PSPH: variants seen among roughly 807,000 people sequenced by gnomAD.
The protein encoded by PSPH is L-3-phosphoserine phosphatase.
PSPH carries 16 observed loss-of-function variants against 23.4 expected under a neutral mutation model. The ratio of observed to expected loss-of-function variants is 0.68; its 90% CI spans 0.46 to 1.04. The LOEUF (loss-of-function observed/expected upper bound fraction) is 1.04, where lower values mean the gene tolerates loss of function less well. PSPH is among the 50% of genes least tolerant of loss of function. The pLI is 0.00. For missense variants in PSPH, 223 were observed against 273.7 expected, an observed-to-expected ratio of 0.81 and a Z score of 1.31; for synonymous variants, 68 against 99.7, an observed-to-expected ratio of 0.68 and a Z score of 1.89.
intron 1 of PSPH, among the ~76,000 whole-genome samples, chr7:56,038,553 A>G (rs756327284): frequency 2.6e-4 from 39 of 152,124 alleles, no homozygotes; most frequent in Admixed American, 4.6e-4. Context: ...TGCATGAGTA[A>G]GCTGGGTGTG....
rs184171307 is a variant in PSPH, at chr7:56,015,134, A to G, written c.459T>C (p.Ala153=). 6.2e-7 allele frequency: 1 copy of G among 1,614,082 alleles called. No homozygotes were observed. The highest frequency in any genetic ancestry group is 1.3e-5 in the African/African-American group (1 of 75,040). Residue 153 remains alanine (A), a synonymous_variant, in exon 7 of 8, where the codon GCT becomes GCC. Transcript: ENST00000275605. ...YAGFDETQPT[A]ESGGKGKVIK... ...TCACTTTTCCTTTTCCACCAGATTC[A>G]GCTGTTGGCTGCGTCTCATCAAAAC... is the stretch of plus-strand genomic sequence containing the variant.
intron 7 of PSPH, among the ~76,000 whole-genome samples, chr7:56,013,156 TACACAC>T (rs34329610): frequency 0.19 from 27,097 of 142,078 alleles, 2,824 homozygotes; most frequent in East Asian, 0.37. Context: ...TGTATGTGTA[TACACAC>T]ACACACACAC....
intron 3 of PSPH, among the ~76,000 whole-genome samples, chr7:56,024,064 A>C (rs1476169273): frequency 2.0e-5 from 3 of 151,902 alleles, no homozygotes. Flanking sequence ...AGTAGCTGGG[A>C]CTACAGGTGC....
chr7:56,032,673 G>A (rs1402812440), intron 2 of PSPH, among the ~76,000 whole-genome samples: 2 of 150,460 alleles, frequency 1.3e-5, no homozygotes, highest in South Asian at 2.1e-4. Context: ...AAAAAAGGCC[G>A]GGCATGGGGA....
intron 1 of PSPH, among the ~76,000 whole-genome samples, chr7:56,050,084 G>A (rs1793809386): frequency 6.6e-6 from 1 of 152,042 alleles, no homozygotes; most frequent in Non-Finnish European, 1.5e-5. Flanking sequence ...CATGCACACC[G>A]TGTAATGCCT....
chr7:56,034,357 C>G (rs976734759), intron 1 of PSPH, among the ~76,000 whole-genome samples: 15 of 152,120 alleles, frequency 9.9e-5, no homozygotes, highest in African/African-American at 3.4e-4. Flanking sequence ...TCCGCGCTGC[C>G]GCCACCACCA....
chr7:56,022,045 C>G (rs1789546874), intron 3 of PSPH, among the ~76,000 whole-genome samples: 1 of 151,448 alleles, frequency 6.6e-6, no homozygotes, highest in Non-Finnish European at 1.5e-5. Flanking sequence ...GGGCTTCAGA[C>G]TGGGCACAGT....
In PSPH at chr7:56,019,730, G is replaced by C. The variant is rs79451216; in HGVS notation, c.145C>G (p.Arg49Gly). Residue 49 changes from arginine (R) to glycine (G), a missense_variant, in exon 5 of 8, where the codon CGG (arginine) becomes GGG (glycine). Physicochemically the swap from Arg to Gly is moderately radical, Grantham distance 125. Transcript: ENST00000275605. ...GVEDAVSEMTRRAMGGAVPFK... is the reference protein window; with the variant it reads ...GVEDAVSEMTGRAMGGAVPFK... ...GGCACTGCCCCGCCCATGGCTCGCC[G>C]TGTCCTAGGAGGGAGACCCAACAGT... The C allele has an allele frequency of 6.4e-7, 1 of 1,572,240 alleles. No homozygotes were observed. Among genetic ancestry groups the C allele is most frequent in the South Asian group, 1.1e-5 (1 of 88,816 alleles).
rs1791161803 is a variant in PSPH at position 56,032,576 on chromosome 7, C to A, written c.-145-522G>T. 2.2e-5 allele frequency among the ~76,000 whole-genome samples: 3 copies of A among 136,882 alleles called. No individual in the cohort carries two copies. The South Asian group carries it at 6.9e-4, about 32-fold the overall frequency. 89.8% of individuals were successfully genotyped at this position (136,882 alleles called of 152,430 possible). A position where few individuals can be genotyped will look rare whatever the true frequency, so the allele number is the denominator to read the frequency against. On this transcript the variant is annotated intron_variant, in intron 2 of 7. Coordinates refer to ENST00000275605, the MANE Select transcript of PSPH (RefSeq NM_004577.4). ...TCGGGAGGCTGAGGCAGGAGAATGG[C>A]ATGAACCCAGGAGGCAGAGCTTGCA...
At chr7:56,025,708 C>T (rs760198357) in intron 3 of PSPH, among the ~76,000 whole-genome samples, 12 of 152,152 alleles carry the variant, frequency 7.9e-5, no homozygotes, top group Non-Finnish European at 1.6e-4. Context: ...ATTCTCCTCC[C>T]TCAGCGTTCT....
At chr7:56,022,139 G>A (rs1029169386) in intron 3 of PSPH, among the ~76,000 whole-genome samples, 2 of 151,932 alleles carry the variant, frequency 1.3e-5, no homozygotes, top group Admixed American at 1.3e-4. Flanking sequence ...ACCAGCGTGG[G>A]CAACATAGAG....
intron 3 of PSPH, among the ~76,000 whole-genome samples, chr7:56,028,748 T>C (rs992097399): frequency 2.0e-5 from 3 of 152,062 alleles, no homozygotes; most frequent in Non-Finnish European, 4.4e-5. Context: ...ACAGCTCCTT[T>C]TAGCTCTTCC....
chr7:56,015,769 G>A (rs34287940), intron 6 of PSPH, among the ~76,000 whole-genome samples: 6,689 of 151,780 alleles, frequency 0.044, 276 homozygotes, highest in East Asian at 0.21. Flanking sequence ...AACCATTCTC[G>A]TGTCTCAGCC....
At chr7:56,026,488 C>CAAAAAAAAAA (rs56089644) in intron 3 of PSPH, among the ~76,000 whole-genome samples, 1 of 70,354 alleles carries the variant, frequency 1.4e-5, no homozygotes. Flanking sequence ...GACTCCATCT[C>CAAAAAAAAAA]AAAAAAAAAA....
intron 7 of PSPH, among the ~76,000 whole-genome samples, 175 bp from the exon 8 acceptor site, chr7:56,012,044 T>G (rs1787969881): frequency 6.7e-6 from 1 of 148,908 alleles, no homozygotes; most frequent in Admixed American, 6.7e-5. Context: ...TAGCTGTGAC[T>G]CCAGGTATGC....
intron 1 of PSPH, among the ~76,000 whole-genome samples, chr7:56,046,176 G>A (rs1358002310): frequency 3.3e-5 from 5 of 151,826 alleles, no homozygotes; most frequent in South Asian, 2.1e-4. Context: ...TTCACTCGTC[G>A]CCCAGGCTGG....
At chr7:56,036,734 T>C (rs1791777799) in intron 1 of PSPH, among the ~76,000 whole-genome samples, 1 of 152,188 alleles carries the variant, frequency 6.6e-6, no homozygotes, top group Non-Finnish European at 1.5e-5. Flanking sequence ...GAGATGGCTG[T>C]ATTGTAGACA....
At chr7:56,031,177 G>T (rs1265496347) in intron 3 of PSPH, among the ~76,000 whole-genome samples, 1 of 150,564 alleles carries the variant, frequency 6.6e-6, no homozygotes, top group Non-Finnish European at 1.5e-5. Flanking sequence ...CGCCACTGCA[G>T]TCCGCAGTCT....
At position 56,015,103 on chromosome 7, in the gene PSPH, G is replaced by C; in HGVS notation, c.490C>G (p.Leu164Val). ...ESGGKGKVIK[L>V]LKEKFHFKKI... ...TTAAAATGAAATTTTTCCTTTAAAA[G>C]TTTAATCACTTTTCCTTTTCCACCA... The change falls in exon 7 of 8, where the codon CTT (leucine) becomes GTT (valine). Residue 164 changes from leucine (L) to valine (V), a missense_variant. Physicochemically the swap from Leu to Val is conservative, Grantham distance 32. Coordinates refer to ENST00000275605, the MANE Select transcript of PSPH (RefSeq NM_004577.4). The C allele has an allele frequency of 6.2e-7, 1 of 1,613,926 alleles. No individual in the cohort carries two copies. The highest frequency in any genetic ancestry group is 8.5e-7 in the Non-Finnish European group (1 of 1,179,966).
Sources: allele counts gnomAD v4.1 joint callset (sites outside exome capture counted in the v4.1 genomes callset), GRCh38; gene constraint gnomAD v4.1.1; transcripts MANE v1.5; gene names NCBI Gene and HGNC (gene_info 2026-07-23, HGNC 2026-07-21).